The following KATNIP variants were observed in gnomAD, a reference collection of about 807,000 sequenced individuals.
KATNIP encodes the protein katanin interacting protein, also known as katanin-interacting protein.
In KATNIP, 126 loss-of-function variants were observed where a neutral mutation model predicts 174.0. That is an observed-to-expected ratio of 0.72 (90% CI 0.63 to 0.84). The LOEUF (loss-of-function observed/expected upper bound fraction) is 0.84, where lower values mean the gene tolerates loss of function less well. Ranked by LOEUF, KATNIP falls within the 40% of genes least tolerant of loss-of-function variation. The pLI, the probability that KATNIP is intolerant of heterozygous loss-of-function variation, is 0.00. For missense variants in KATNIP, 1,958 were observed against 2,109.7 expected (o/e 0.93, Z 1.41); for synonymous variants, 810 against 835.7 (o/e 0.97, Z 0.53).
chr16:27,670,571 T>C (rs1477884107), intron 6 of KATNIP, among the ~76,000 whole-genome samples: 1 of 152,220 alleles, frequency 6.6e-6, no homozygotes, highest in East Asian at 1.9e-4. Context: ...GGATACTTTA[T>C]TCTCGAGTTA....
At chr16:27,638,363 TG>T (rs1223397265) in intron 5 of KATNIP, among the ~76,000 whole-genome samples, 18 of 152,140 alleles carry the variant, frequency 1.2e-4, no homozygotes, top group Non-Finnish European at 2.4e-4. Context: ...CAGGCTGGAT[TG>T]GTTTGCTCTG....
chr16:27,698,199 C>T (rs566358649), intron 8 of KATNIP, 129 bp from the exon 9 acceptor site: 15 of 962,298 alleles, frequency 1.6e-5, no homozygotes, highest in Admixed American at 5.0e-5. Flanking sequence ...TGTCTTTTAC[C>T]GCCTTGACAT....
At chr16:27,629,154 C>T (rs949422856) in intron 4 of KATNIP, among the ~76,000 whole-genome samples, 1 of 139,664 alleles carries the variant, frequency 7.2e-6, no homozygotes, top group Non-Finnish European at 1.5e-5. Flanking sequence ...GGTGACAGAG[C>T]GAGACTCTGT....
chr16:27,638,997 C>A lies in KATNIP; in HGVS notation c.408+7835C>A, dbSNP rs376748504. Among the ~76,000 whole-genome samples, 27 of 152,194 alleles carry A rather than the reference C, an allele frequency of 1.8e-4. No homozygotes were observed. In the South Asian group the frequency reaches 5.2e-3, roughly 29 times the overall value. On this transcript the variant is annotated intron_variant, in intron 5 of 27. Transcript: ENST00000261588. Reference sequence around the variant, plus strand: ...CCCTGAAACTCTCTTGAATCACACACCCTGTTTCTACTGACCAAGCCCAAT... The same window carrying A: ...CCCTGAAACTCTCTTGAATCACACAACCTGTTTCTACTGACCAAGCCCAAT...
chr16:27,712,509 A>G (rs1183167452), intron 13 of KATNIP, among the ~76,000 whole-genome samples: 2 of 152,176 alleles, frequency 1.3e-5, no homozygotes, highest in Non-Finnish European at 2.9e-5. Context: ...CGCATGGCTG[A>G]TAGAGCTCAC....
At chr16:27,729,740 A>G (rs1350007652) in intron 14 of KATNIP, among the ~76,000 whole-genome samples, 1 of 151,804 alleles carries the variant, frequency 6.6e-6, no homozygotes, top group East Asian at 1.9e-4. Flanking sequence ...TTCCTTCTCC[A>G]CTTCCTTTTT....
chr16:27,668,634 T>A (rs1210063069), intron 6 of KATNIP, among the ~76,000 whole-genome samples: 1 of 152,254 alleles, frequency 6.6e-6, no homozygotes. Flanking sequence ...ACTGGCCATG[T>A]GACCTTGAAC....
At chr16:27,770,457 C>T (rs548090611) in intron 21 of KATNIP, among the ~76,000 whole-genome samples, 9 of 152,226 alleles carry the variant, frequency 5.9e-5, no homozygotes, top group Non-Finnish European at 1.3e-4. Context: ...AAGTTCATAA[C>T]GATTTGTAAA....
chr16:27,735,250 C>G lies in KATNIP; in HGVS notation c.1744-4791C>G, dbSNP rs550417717. Among the ~76,000 whole-genome samples the G allele has an allele frequency of 2.4e-4, 37 of 152,260 alleles. No homozygotes were observed. In the South Asian group the frequency reaches 7.5e-3, roughly 31 times the overall value. ...CCGCCTGCTTCCCTCTCTCAGTTCCCTCTCCGCCAGACGTCTTGGTGGGAA... is the reference window on the plus strand; with the variant it reads ...CCGCCTGCTTCCCTCTCTCAGTTCCGTCTCCGCCAGACGTCTTGGTGGGAA... On this transcript the variant is annotated intron_variant, in intron 14 of 27. Transcript: ENST00000261588.
chr16:27,570,890 A>G (rs2090266301), intron 1 of KATNIP, among the ~76,000 whole-genome samples: 1 of 152,236 alleles, frequency 6.6e-6, no homozygotes, highest in African/African-American at 2.4e-5. Context: ...AGGGACACGG[A>G]GTCTATTTTA....
rs190812229 is a variant in KATNIP at position 27,660,738 on chromosome 16, C to T, written c.540+12003C>T. 3.0e-3 allele frequency among the ~76,000 whole-genome samples: 452 copies of T among 151,786 alleles called. 7 individuals carry two copies. The highest frequency in any genetic ancestry group is 0.011 in the African/African-American group (435 of 41,376). On this transcript the variant is annotated intron_variant, in intron 6 of 27. Transcript: ENST00000261588. ...TTATAGTGCACTACAGCCTCAAACA[C>T]CTGGCCCCAAGCCATCCCCCTCAAG...
intron 13 of KATNIP, among the ~76,000 whole-genome samples, chr16:27,714,859 G>A (rs895912648): frequency 2.0e-5 from 3 of 152,168 alleles, no homozygotes; most frequent in African/African-American, 7.2e-5. Flanking sequence ...CAACATTGTC[G>A]AGATGGTAAT....
intron 1 of KATNIP, among the ~76,000 whole-genome samples, chr16:27,563,230 TG>T (rs1218081586): frequency 1.3e-5 from 2 of 151,144 alleles, no homozygotes; most frequent in Non-Finnish European, 3.0e-5. Flanking sequence ...TCTGGAGAGG[TG>T]GGTGGTTTTA....
chr16:27,584,480 C>T (rs528225294), intron 2 of KATNIP, among the ~76,000 whole-genome samples: 3 of 152,234 alleles, frequency 2.0e-5, no homozygotes, highest in Non-Finnish European at 2.9e-5. Context: ...GGAATAGTAA[C>T]TGACAGCACA....
In KATNIP at chr16:27,780,028, A is replaced by C. The variant is rs1199366209; in HGVS notation, c.*1399A>C. ...AGATCCATCATTTCTCCAGCTTCCA[A>C]GCCCCCGGCACCTCTGCTCAGCTCC... On this transcript the variant is annotated 3_prime_UTR_variant, in exon 28 of 28. Transcript: ENST00000261588. The C allele has an allele frequency of 2.0e-5, 3 of 152,098 alleles. No individual in the cohort carries two copies. Among genetic ancestry groups the C allele is most frequent in the African/African-American group, 7.2e-5 (3 of 41,384 alleles). 9.4% of individuals were successfully genotyped at this position (152,098 alleles called of 1,614,324 possible).
intron 5 of KATNIP, among the ~76,000 whole-genome samples, chr16:27,631,463 T>C (rs1181353262): frequency 6.6e-6 from 1 of 151,478 alleles, no homozygotes; most frequent in Admixed American, 6.6e-5. Flanking sequence ...GAGGATTGCA[T>C]GAGCCCAGAA....
At chr16:27,732,630 C>T (rs2080737450) in intron 14 of KATNIP, among the ~76,000 whole-genome samples, 1 of 152,142 alleles carries the variant, frequency 6.6e-6, no homozygotes. Context: ...CAGGGAGGGC[C>T]AGGGGCTCCC....
intron 5 of KATNIP, chr16:27,644,379 A>G (rs181375426): frequency 6.6e-6 from 1 of 152,058 alleles, no homozygotes; most frequent in African/African-American, 2.4e-5. Context: ...AGCCTCCTAT[A>G]ATAACAGCCC....
rs1237879545 is a variant in KATNIP at position 27,761,568 on chromosome 16, G to A, written c.3787G>A (p.Asp1263Asn). The A allele has an allele frequency of 1.2e-6, 2 of 1,614,020 alleles. No homozygotes were observed. Among genetic ancestry groups the A allele is most frequent in the South Asian group, 2.2e-5 (2 of 91,080 alleles). The part of the protein sequence containing the change: ...RDLNELPEYS[D>N]DSRALDKLID... Reference sequence around the variant, plus strand: ...CTTAAATGAGCTCCCCGAGTACTCTGACGACTCCCGGGCCCTGGACAAGTA... The same window carrying A: ...CTTAAATGAGCTCCCCGAGTACTCTAACGACTCCCGGGCCCTGGACAAGTA... The change falls in exon 19 of 28, where the codon GAC (aspartate) becomes AAC (asparagine). Residue 1263 changes from aspartate to asparagine, a missense_variant. Physicochemically the swap from Asp to Asn is conservative, Grantham distance 23. This residue lies in a region of KATNIP where 18 missense variants were observed against 35.8 expected (regional missense o/e 0.50). Coordinates refer to ENST00000261588, the MANE Select transcript of KATNIP (RefSeq NM_015202.5).
Sources: gnomAD v4.1 joint callset for allele counts (sites outside exome capture counted in the v4.1 genomes callset) on GRCh38, gnomAD v4.1.1 for gene constraint, gnomAD v4.1.1 regional missense constraint, MANE v1.5 for transcripts, NCBI Gene and HGNC (gene_info 2026-07-23, HGNC 2026-07-21) for gene names.